Variants in WDFY2 observed in about 807,000 individuals in gnomAD.
WDFY2 encodes the protein WD repeat and FYVE domain containing 2.
WDFY2 carries 36 observed loss-of-function variants against 56.4 expected under a neutral mutation model. That is an observed-to-expected ratio of 0.64 (90% CI 0.49 to 0.84). The LOEUF (loss-of-function observed/expected upper bound fraction) is 0.84, where lower values mean the gene tolerates loss of function less well. Ranked by LOEUF, WDFY2 falls within the 40% of genes least tolerant of loss-of-function variation. The pLI is 0.00. For synonymous variants in WDFY2, 176 were observed against 183.7 expected (o/e 0.96, Z 0.34); for missense variants, 444 against 512.2 (o/e 0.87, Z 1.29).
chr13:51,661,557 A>G (rs1422849565), intron 2 of WDFY2, among the ~76,000 whole-genome samples: 1 of 152,230 alleles, frequency 6.6e-6, no homozygotes, highest in Non-Finnish European at 1.5e-5. Context: ...ATATGCCAAA[A>G]TAAATTCATG....
intron 4 of WDFY2, among the ~76,000 whole-genome samples, chr13:51,712,512 T>C (rs1275730582): frequency 6.6e-6 from 1 of 151,932 alleles, no homozygotes; most frequent in African/African-American, 2.4e-5. Flanking sequence ...TAAGGAGAAA[T>C]TTACAGAACT....
Position 51,738,430 on chromosome 13 carries a change from G to A in WDFY2, c.599-619G>A, listed in dbSNP as rs537905167. 4.6e-5 allele frequency among the ~76,000 whole-genome samples: 7 copies of A among 152,296 alleles called. No individual in the cohort carries two copies. In the East Asian group the frequency reaches 9.6e-4, roughly 21 times the overall value. ...ATTCTCACCACAACCGTATGAAGTA[G>A]GTAATGGCTGGGTTGATGTTTTCAT... On this transcript the variant is annotated intron_variant, in intron 6 of 11. Coordinates refer to ENST00000298125, the MANE Select transcript of WDFY2 (RefSeq NM_052950.4).
At chr13:51,758,552 TAA>T (rs35383381) in intron 11 of WDFY2, among the ~76,000 whole-genome samples, 1,599 of 127,644 alleles carry the variant, frequency 0.013, 24 homozygotes, top group African/African-American at 0.038. Flanking sequence ...CCTCATCTCT[TAA>T]AAAAAAAAAA....
chr13:51,679,445 A>G (rs570645453), intron 3 of WDFY2, among the ~76,000 whole-genome samples: 53 of 152,268 alleles, frequency 3.5e-4, no homozygotes, highest in Admixed American at 1.0e-3. Flanking sequence ...TAAAATCTCT[A>G]TTCTCTGAAG....
intron 1 of WDFY2, among the ~76,000 whole-genome samples, chr13:51,628,110 C>T (rs990730483): frequency 6.6e-6 from 1 of 152,328 alleles, no homozygotes; most frequent in Non-Finnish European, 1.5e-5. Flanking sequence ...CCCCTTTCTG[C>T]CCAGGAACCT....
At chr13:51,758,552 TAAAAAAAA>T (rs35383381) in intron 11 of WDFY2, among the ~76,000 whole-genome samples, 3 of 127,722 alleles carry the variant, frequency 2.3e-5, no homozygotes, top group Non-Finnish European at 1.7e-5. Context: ...CCTCATCTCT[TAAAAAAAA>T]AAAAAAAAAA....
chr13:51,647,690 T>C (rs917357667), intron 1 of WDFY2, among the ~76,000 whole-genome samples: 1 of 151,440 alleles, frequency 6.6e-6, no homozygotes, highest in Non-Finnish European at 1.5e-5. Flanking sequence ...AGTTCAGTAG[T>C]TCAAAGTGAC....
At chr13:51,733,906 G>A (rs1349699832) in intron 6 of WDFY2, among the ~76,000 whole-genome samples, 4 of 152,190 alleles carry the variant, frequency 2.6e-5, no homozygotes, top group Non-Finnish European at 5.9e-5. Context: ...TGGCAGCAAA[G>A]AGACAGCTGG....
chr13:51,736,178 G>A (rs186531267), intron 6 of WDFY2, among the ~76,000 whole-genome samples: 2 of 152,306 alleles, frequency 1.3e-5, no homozygotes, highest in East Asian at 3.9e-4. Context: ...GTTGAGTGGT[G>A]CTTCCCATGT....
intron 1 of WDFY2, among the ~76,000 whole-genome samples, chr13:51,606,978 T>C (rs1954395403): frequency 6.6e-6 from 1 of 152,180 alleles, no homozygotes; most frequent in Admixed American, 6.5e-5. Flanking sequence ...GTTCAGTGAC[T>C]TAAGCTATAT....
chr13:51,751,433 G>C lies in WDFY2; in HGVS notation c.831+18G>C, dbSNP rs367800060. ...GGCAGGAGGTAGGTGGCACAGCAGG[G>C]TGGGGTGGGCCCTGTGGTTCTGGCC... On this transcript the variant is annotated intron_variant, in intron 8 of 11. Coordinates refer to ENST00000298125, the MANE Select transcript of WDFY2 (RefSeq NM_052950.4). 3 of 1,609,694 alleles carry C rather than the reference G, an allele frequency of 1.9e-6. No individual in the cohort carries two copies. The highest frequency in any genetic ancestry group is 3.3e-5 in the Admixed American group (2 of 60,008).
At chr13:51,637,751 TA>T (rs982456006) in intron 1 of WDFY2, among the ~76,000 whole-genome samples, 2 of 152,178 alleles carry the variant, frequency 1.3e-5, no homozygotes, top group African/African-American at 4.8e-5. Flanking sequence ...ACATATAGGA[TA>T]AAAAAGATAA....
intron 4 of WDFY2, among the ~76,000 whole-genome samples, chr13:51,707,497 A>G (rs1355349734): frequency 6.6e-6 from 1 of 152,224 alleles, no homozygotes; most frequent in Non-Finnish European, 1.5e-5. Flanking sequence ...CTTCCAACAT[A>G]GAATTATATA....
chr13:51,759,415 C>T (rs1953508625), intron 11 of WDFY2, among the ~76,000 whole-genome samples: 1 of 152,202 alleles, frequency 6.6e-6, no homozygotes, highest in South Asian at 2.1e-4. Context: ...GATGTAAACA[C>T]AGTGCTCTGC....
intron 1 of WDFY2, among the ~76,000 whole-genome samples, chr13:51,626,849 G>A (rs1312560630): frequency 2.6e-5 from 4 of 152,190 alleles, no homozygotes; most frequent in Non-Finnish European, 2.9e-5. Context: ...CCTGAGTAAT[G>A]CTCATGCCTG....
intron 3 of WDFY2, among the ~76,000 whole-genome samples, chr13:51,695,849 C>T (rs1292237284): frequency 6.6e-6 from 1 of 152,244 alleles, no homozygotes; most frequent in Non-Finnish European, 1.5e-5. Flanking sequence ...AGCTTCCGGG[C>T]TGCTTTGTTT....
At chr13:51,713,924 A>C (rs977555998) in intron 4 of WDFY2, among the ~76,000 whole-genome samples, 9 of 151,872 alleles carry the variant, frequency 5.9e-5, no homozygotes, top group African/African-American at 2.2e-4. Context: ...TCAAATTCAT[A>C]GAGACAGAAA....
intron 1 of WDFY2, among the ~76,000 whole-genome samples, chr13:51,636,958 C>G (rs541323702): frequency 1.3e-5 from 2 of 152,344 alleles, no homozygotes; most frequent in South Asian, 4.1e-4. Flanking sequence ...AGATCATAGA[C>G]TTAAATGTAA....
chr13:51,688,173 T>G (rs1566124430), intron 3 of WDFY2, among the ~76,000 whole-genome samples: 1 of 152,188 alleles, frequency 6.6e-6, no homozygotes, highest in Non-Finnish European at 1.5e-5. Context: ...TCTGTTCTGA[T>G]TAGCCGGTGT....
Sources: gnomAD v4.1 joint callset for allele counts (sites outside exome capture counted in the v4.1 genomes callset) on GRCh38, gnomAD v4.1.1 for gene constraint, MANE v1.5 for transcripts, NCBI Gene and HGNC (gene_info 2026-07-23, HGNC 2026-07-21) for gene names.